The following WWOX variants were observed in gnomAD, a reference collection of about 807,000 sequenced individuals.
WWOX encodes WW domain containing oxidoreductase.
WWOX carries 69 observed loss-of-function variants against 46.2 expected under a neutral mutation model. The ratio of observed to expected loss-of-function variants is 1.49; its 90% CI spans 1.23 to 1.82. The LOEUF is 1.82. Among genes scored for constraint, WWOX ranks in the 40% most tolerant of loss-of-function variants. The pLI, the probability that WWOX is intolerant of heterozygous loss-of-function variation, is 0.00. For missense variants in WWOX, 919 were observed against 542.6 expected (o/e 1.69, Z -6.89); for synonymous variants, 359 against 202.6 (o/e 1.77, Z -6.56).
At chr16:78,444,081 G>C (rs1389016102) in intron 8 of WWOX, among the ~76,000 whole-genome samples, 16 of 152,174 alleles carry the variant, frequency 1.1e-4, no homozygotes, top group African/African-American at 1.4e-4. Flanking sequence ...CTGAAACCTG[G>C]TGCTCAGAAT....
At chr16:78,261,790 A>ATCTC in intron 5 of WWOX, among the ~76,000 whole-genome samples, 1 of 42,216 alleles carries the variant, frequency 2.4e-5, no homozygotes, top group Non-Finnish European at 4.9e-5. Flanking sequence ...CTATCTATCT[A>ATCTC]TATATATATA....
chr16:78,992,953 T>TAA (rs11387232), intron 8 of WWOX, among the ~76,000 whole-genome samples: 3,153 of 150,406 alleles, frequency 0.021, 128 homozygotes, highest in African/African-American at 0.071. Context: ...GTCTCATCTT[T>TAA]AAAAAAAAAA....
intron 8 of WWOX, among the ~76,000 whole-genome samples, chr16:78,753,412 G>C (rs1797674368): frequency 6.6e-6 from 1 of 152,122 alleles, no homozygotes; most frequent in East Asian, 1.9e-4. Flanking sequence ...TATTGGGGTT[G>C]GGAGGACCAG....
intron 6 of WWOX, among the ~76,000 whole-genome samples, chr16:78,387,841 GC>G (rs1317489127): frequency 6.6e-6 from 1 of 152,016 alleles, no homozygotes; most frequent in East Asian, 1.9e-4. Flanking sequence ...CACAGGTTGT[GC>G]GAAGGATAAG....
intron 8 of WWOX, among the ~76,000 whole-genome samples, chr16:78,773,238 C>T (rs1433964652): frequency 2.0e-5 from 3 of 152,096 alleles, no homozygotes; most frequent in African/African-American, 4.8e-5. Context: ...AAGTAGAGCC[C>T]GAGTTTGTGT....
At chr16:78,984,410 T>G (rs1377000084) in intron 8 of WWOX, among the ~76,000 whole-genome samples, 2 of 152,196 alleles carry the variant, frequency 1.3e-5, no homozygotes, top group East Asian at 1.9e-4. Context: ...GGTCATATAG[T>G]CTCTGTTTCA....
At chr16:78,675,358 T>C (rs2047568912) in intron 8 of WWOX, among the ~76,000 whole-genome samples, 1 of 152,198 alleles carries the variant, frequency 6.6e-6, no homozygotes, top group South Asian at 2.1e-4. Context: ...GTTCATATCG[T>C]TCATCTACAT....
At chr16:78,375,109 A>G (rs933391163) in intron 5 of WWOX, among the ~76,000 whole-genome samples, 10 of 152,342 alleles carry the variant, frequency 6.6e-5, no homozygotes, top group Middle Eastern at 3.4e-3. Context: ...CAGTTTATCT[A>G]TTAAACATCC....
intron 8 of WWOX, chr16:78,897,368 A>G (rs1310277991): frequency 1.3e-5 from 2 of 151,798 alleles, no homozygotes; most frequent in Non-Finnish European, 2.9e-5. Flanking sequence ...TCTTGTTTCA[A>G]TCATTGTAAC....
chr16:78,311,740 G>T (rs2080248829), intron 5 of WWOX, among the ~76,000 whole-genome samples: 1 of 151,764 alleles, frequency 6.6e-6, no homozygotes. Context: ...TTTGAAGGAA[G>T]AAAAATGTTC....
chr16:79,069,100 C>T (rs1320771965), intron 8 of WWOX, among the ~76,000 whole-genome samples: 3 of 152,250 alleles, frequency 2.0e-5, no homozygotes, highest in South Asian at 4.1e-4. Context: ...AAGAAAGTGC[C>T]GGAACTCCCC....
intron 8 of WWOX, among the ~76,000 whole-genome samples, chr16:78,844,155 C>G (rs927509389): frequency 6.6e-6 from 1 of 152,110 alleles, no homozygotes; most frequent in Non-Finnish European, 1.5e-5. Context: ...TTTATTTAGC[C>G]AAGTAAAACT....
intron 8 of WWOX, among the ~76,000 whole-genome samples, chr16:78,929,403 G>T (rs888507640): frequency 6.6e-6 from 1 of 151,842 alleles, no homozygotes; most frequent in Admixed American, 6.6e-5. Flanking sequence ...GATTTATAAA[G>T]ACATTACTAA....
intron 5 of WWOX, among the ~76,000 whole-genome samples, chr16:78,229,100 C>A (rs113105941): frequency 6.6e-6 from 1 of 152,138 alleles, no homozygotes; most frequent in African/African-American, 2.4e-5. Context: ...TCTGTAGCTT[C>A]TTCCAGCATG....
chr16:78,196,554 C>G (rs536348540), intron 5 of WWOX, among the ~76,000 whole-genome samples: 2 of 152,282 alleles, frequency 1.3e-5, no homozygotes, highest in East Asian at 3.9e-4. Flanking sequence ...TTTGCAAATA[C>G]TATTTACAGT....
intron 4 of WWOX, among the ~76,000 whole-genome samples, chr16:78,141,393 T>C (rs1185828147): frequency 6.6e-6 from 1 of 151,876 alleles, no homozygotes; most frequent in Non-Finnish European, 1.5e-5. Flanking sequence ...AATAAAAAGA[T>C]TCTAGACCAC....
intron 8 of WWOX, among the ~76,000 whole-genome samples, chr16:79,192,869 T>C (rs915215866): frequency 1.3e-5 from 2 of 152,222 alleles, no homozygotes; most frequent in Admixed American, 6.5e-5. Flanking sequence ...TGAGCTCTAA[T>C]TTCCTCACAG....
intron 8 of WWOX, among the ~76,000 whole-genome samples, chr16:78,765,109 G>A (rs74999810): frequency 0.012 from 1,783 of 152,280 alleles, 33 homozygotes; most frequent in African/African-American, 0.041. Flanking sequence ...GCGGCTGTGC[G>A]GGGATGTGGT....
chr16:78,923,793 AG>A (rs2045433935), intron 8 of WWOX, among the ~76,000 whole-genome samples: 1 of 61,858 alleles, frequency 1.6e-5, no homozygotes, highest in African/African-American at 4.6e-5. Context: ...GTTTTTAGTT[AG>A]TTTTTTTTTT....
Sources: gnomAD v4.1 joint callset for allele counts (sites outside exome capture counted in the v4.1 genomes callset) on GRCh38, gnomAD v4.1.1 for gene constraint, MANE v1.5 for transcripts, NCBI Gene and HGNC (gene_info 2026-07-23, HGNC 2026-07-21) for gene names.